The following FNBP1 variants were observed in gnomAD, a reference collection of about 807,000 sequenced individuals.
FNBP1 encodes formin binding protein 1.
In FNBP1, 26 loss-of-function variants were observed where a neutral mutation model predicts 90.6. The ratio of observed to expected loss-of-function variants is 0.29; its 90% CI spans 0.21 to 0.40. The LOEUF (loss-of-function observed/expected upper bound fraction) is 0.40. Among genes scored for constraint, FNBP1 ranks in the 10% least tolerant of loss-of-function variants. The probability of loss-of-function intolerance (pLI) is 1.00; values close to 1 mark genes in which losing one functional copy is unlikely to be tolerated. For synonymous variants in FNBP1, 260 were observed against 265.2 expected (o/e 0.98, Z 0.19); for missense variants, 635 against 768.0 (o/e 0.83, Z 2.05).
intron 1 of FNBP1, among the ~76,000 whole-genome samples, chr9:130,023,571 T>G (rs2058058437): frequency 2.0e-5 from 3 of 152,150 alleles, no homozygotes; most frequent in Admixed American, 2.0e-4. Flanking sequence ...CGGAGGAGAC[T>G]GTGTTGCAAG....
At chr9:129,897,414 G>A (rs535886724) in intron 15 of FNBP1, among the ~76,000 whole-genome samples, 154 of 152,196 alleles carry the variant, frequency 1.0e-3, no homozygotes, top group Non-Finnish European at 1.3e-3. Flanking sequence ...GTTTAAACTG[G>A]TACGTCTTTC....
rs188351402 is a variant in FNBP1, at chr9:129,982,194, C to T, written c.141-2820G>A. 4.7e-3 allele frequency among the ~76,000 whole-genome samples: 713 copies of T among 152,274 alleles called. 6 individuals are homozygous for T. The highest frequency in any genetic ancestry group is 0.02 in the Middle Eastern group (6 of 294). On this transcript the variant is annotated intron_variant, in intron 2 of 16. Coordinates refer to ENST00000446176, the MANE Select transcript of FNBP1 (RefSeq NM_015033.3). ...ACAAGGATCAAGAATGAAAGGGGGC[C>T]GGGCGCGGTGGCTCATGCCTGTAAT...
At chr9:129,904,999 TTAAA>T (rs1314171263) in intron 12 of FNBP1, among the ~76,000 whole-genome samples, 1 of 152,142 alleles carries the variant, frequency 6.6e-6, no homozygotes, top group Non-Finnish European at 1.5e-5. Context: ...TTAAAAATGT[TTAAA>T]TAAACATTTA....
At chr9:129,958,810 C>G (rs76336298) in intron 4 of FNBP1, among the ~76,000 whole-genome samples, 10,945 of 150,610 alleles carry the variant, frequency 0.073, 488 homozygotes, top group Admixed American at 0.12. Flanking sequence ...TGAGACCCCC[C>G]ACTCTACAAA....
chr9:129,982,312 A>C (rs1339371762), intron 2 of FNBP1, among the ~76,000 whole-genome samples: 1 of 152,176 alleles, frequency 6.6e-6, no homozygotes, highest in Non-Finnish European at 1.5e-5. Context: ...CTCTACTAAA[A>C]ATACAAAAAT....
intron 1 of FNBP1, among the ~76,000 whole-genome samples, chr9:130,029,364 T>C (rs1418951842): frequency 6.6e-6 from 1 of 152,160 alleles, no homozygotes; most frequent in African/African-American, 2.4e-5. Context: ...TCCGCCCATC[T>C]TGGCCTCCCA....
At chr9:129,999,658 T>C (rs1426739832) in intron 1 of FNBP1, among the ~76,000 whole-genome samples, 2 of 151,908 alleles carry the variant, frequency 1.3e-5, no homozygotes, top group East Asian at 1.9e-4. Flanking sequence ...CATCTATCAA[T>C]ATTTACTCAA....
intron 7 of FNBP1, among the ~76,000 whole-genome samples, chr9:129,928,756 C>G (rs570796829): frequency 6.6e-6 from 1 of 152,004 alleles, no homozygotes; most frequent in South Asian, 2.1e-4. Context: ...ATTGATTAAT[C>G]TTGAGATTAT....
chr9:129,893,611 T>TAAAAAAAAAAAAAAAA (rs2035327485), intron 16 of FNBP1, among the ~76,000 whole-genome samples: 1 of 564 alleles, frequency 1.8e-3, no homozygotes. Flanking sequence ...AGACTCTGTC[T>TAAAAAAAAAAAAAAAA]CAAAAAAAAA....
intron 1 of FNBP1, among the ~76,000 whole-genome samples, chr9:130,009,618 T>C (rs1004730070): frequency 3.3e-5 from 5 of 151,954 alleles, no homozygotes; most frequent in Admixed American, 2.6e-4. Flanking sequence ...CTGGCCAACA[T>C]GGTGAAACCC....
intron 6 of FNBP1, among the ~76,000 whole-genome samples, chr9:129,948,452 C>T (rs1010504088): frequency 1.4e-5 from 2 of 147,906 alleles, no homozygotes; most frequent in Admixed American, 6.8e-5. Flanking sequence ...GCAACCTCCC[C>T]GTCCCAGGTT....
intron 2 of FNBP1, among the ~76,000 whole-genome samples, chr9:129,992,622 T>G (rs1441254466): frequency 6.7e-6 from 1 of 148,942 alleles, no homozygotes; most frequent in Non-Finnish European, 1.5e-5. Context: ...GGCGCGATCT[T>G]GGCTCATTGC....
chr9:130,043,388 C>G (rs1225398281), upstream of FNBP1, among the ~76,000 whole-genome samples: 2 of 152,106 alleles, frequency 1.3e-5, no homozygotes, highest in African/African-American at 4.8e-5. Context: ...ACGGCGGGAC[C>G]CGGATCCCTA....
chr9:130,018,531 A>T (rs1257329376), intron 1 of FNBP1, among the ~76,000 whole-genome samples: 1 of 151,858 alleles, frequency 6.6e-6, no homozygotes, highest in Non-Finnish European at 1.5e-5. Flanking sequence ...TAGTGCTGTA[A>T]ATTTTTAGTT....
the FNBP1 span, chr9:130,053,876 G>A: frequency 6.6e-7 from 1 of 1,524,930 alleles, no homozygotes; most frequent in African/African-American, 1.4e-5. Context: ...CGGCGGCTGC[G>A]CCCTTTCACC....
intron 4 of FNBP1, among the ~76,000 whole-genome samples, chr9:129,961,646 AGACCTCTGCCTCCCTGT>A (rs1261907218): frequency 2.0e-5 from 3 of 151,842 alleles, no homozygotes; most frequent in East Asian, 1.9e-4. Flanking sequence ...CGGTTCACTG[AGACCTCTGCCTCCCTGT>A]GACCTCTGCC....
intron 1 of FNBP1, among the ~76,000 whole-genome samples, chr9:130,018,967 G>A (rs1046031118): frequency 6.6e-6 from 1 of 152,118 alleles, no homozygotes; most frequent in Non-Finnish European, 1.5e-5. Flanking sequence ...ACTCACGCCT[G>A]TAATCCCAGC....
In FNBP1 at chr9:129,890,242, G is replaced by C; in HGVS notation, c.*297C>G. On this transcript the variant is annotated 3_prime_UTR_variant, in exon 17 of 17. Coordinates refer to ENST00000446176, the MANE Select transcript of FNBP1 (RefSeq NM_015033.3). This position sits in a 1 kb window ranked among gnomAD's most constrained non-coding sequence, Gnocchi z 5.8. ...GGACTGAGGGCCCAGGAAGGAGCAG[G>C]TAGGGGCGTGTGTCCCACCGTCTCA... 1 of 507,810 alleles carries C rather than the reference G, an allele frequency of 2.0e-6. No homozygotes were observed. The highest frequency in any genetic ancestry group is 3.5e-6 in the Non-Finnish European group (1 of 285,722). 31.5% of individuals were successfully genotyped at this position (507,810 alleles called of 1,614,324 possible).
rs1422055007 is a variant in FNBP1 at position 129,969,069 on chromosome 9, C to T, written c.345+9396G>A. On this transcript the variant is annotated intron_variant, in intron 4 of 16. Coordinates refer to ENST00000446176, the MANE Select transcript of FNBP1 (RefSeq NM_015033.3). ...CCTCTAAAACTCTTTTCTTCAATAA[C>T]TTGACTCAATGTTCAAAAGTTGCTG... 2.6e-5 allele frequency among the ~76,000 whole-genome samples: 4 copies of T among 152,182 alleles called. No homozygotes were observed. In the East Asian group the frequency reaches 7.7e-4, roughly 29 times the overall value.
Sources: allele counts gnomAD v4.1 joint callset (sites outside exome capture counted in the v4.1 genomes callset), GRCh38; gene constraint gnomAD v4.1.1; non-coding constraint Gnocchi (gnomAD v3.1); transcripts MANE v1.5; gene names NCBI Gene and HGNC (gene_info 2026-07-23, HGNC 2026-07-21).